Variants in STK11 observed in about 807,000 individuals in gnomAD.
STK11 encodes the protein serine/threonine kinase 11.
A neutral mutation model predicts 47.3 loss-of-function variants in STK11; 8 were observed. That is an observed-to-expected ratio of 0.17 (90% CI 0.10 to 0.31). STK11 has a LOEUF of 0.31. STK11 is among the 10% of genes least tolerant of loss of function. The pLI is 1.00. For synonymous variants in STK11, 330 were observed against 255.8 expected, an observed-to-expected ratio of 1.29 and a Z score of -2.77; for missense variants, 475 against 605.0, an observed-to-expected ratio of 0.79 and a Z score of 2.25.
At chr19:1,224,129 A>T (rs2080805023) in intron 8 of STK11, 1 of 989,572 alleles carries the variant, frequency 1.0e-6, no homozygotes, top group Non-Finnish European at 1.2e-6. Flanking sequence ...GGCTCAGCTC[A>T]GTAGCTGGTC....
chr19:1,225,205 C>T (rs907925584), intron 8 of STK11: 1 of 985,216 alleles, frequency 1.0e-6, no homozygotes, highest in African/African-American at 1.7e-5. Context: ...GTCTGCCCCA[C>T]CAGAGACGGG....
chr19:1,215,522 C>T (rs1052800461), intron 1 of STK11, among the ~76,000 whole-genome samples: 1 of 152,234 alleles, frequency 6.6e-6, no homozygotes, highest in African/African-American at 2.4e-5. Context: ...TCTCCTAGCC[C>T]CTCCCCAGAC....
At chr19:1,223,299 A>G in intron 8 of STK11, 127 bp downstream of exon 8, 1 of 1,179,686 alleles carries the variant, frequency 8.5e-7, no homozygotes, top group Admixed American at 2.1e-5. Flanking sequence ...ACGTCCCCAA[A>G]GCCTCCAGCC....
At chr19:1,226,125 G>C in intron 8 of STK11, 1 of 1,167,802 alleles carries the variant, frequency 8.6e-7, no homozygotes, top group Non-Finnish European at 1.1e-6. Context: ...AGCACGGGAG[G>C]GTCCTGCCTT....
intron 8 of STK11, chr19:1,225,639 C>T (rs1411936410): frequency 1.0e-6 from 1 of 985,536 alleles, no homozygotes; most frequent in South Asian, 4.7e-5. Flanking sequence ...CTGGAAGCTG[C>T]TGAGTCAGCC....
intron 3 of STK11, 78 bp from the exon 4 acceptor site, chr19:1,220,295 C>G (rs574696444): frequency 6.6e-7 from 1 of 1,524,554 alleles, no homozygotes; most frequent in Non-Finnish European, 8.9e-7. Context: ...GTTTGGGAGG[C>G]TCCCAGGCAG....
intron 1 of STK11, among the ~76,000 whole-genome samples, chr19:1,213,287 G>A (rs1460248406): frequency 2.0e-5 from 3 of 152,056 alleles, no homozygotes; most frequent in African/African-American, 7.2e-5. Context: ...GTGAGCCACC[G>A]CACCCGGCAA....
intron 8 of STK11, chr19:1,224,473 C>T (rs1207364121): frequency 1.0e-6 from 1 of 985,306 alleles, no homozygotes; most frequent in African/African-American, 1.7e-5. Context: ...CTTTCAGAGC[C>T]CTGGTGCCCT....
At chr19:1,210,798 G>T (rs1014886611) in intron 1 of STK11, among the ~76,000 whole-genome samples, 11 of 152,010 alleles carry the variant, frequency 7.2e-5, no homozygotes, top group Non-Finnish European at 1.3e-4. Context: ...GGAAGCAGAG[G>T]TTGCGGTGAG....
intron 8 of STK11, chr19:1,225,688 C>T: frequency 1.0e-6 from 1 of 985,632 alleles, no homozygotes; most frequent in Non-Finnish European, 1.2e-6. Flanking sequence ...GCACTGGGCA[C>T]ATGAGCTCTG....
Position 1,220,672 on chromosome 19 carries a change from CCTT to C in STK11, c.692_694del (p.Phe231del). On this transcript the variant is annotated inframe_deletion, in exon 5 of 10. Transcript: ENST00000326873. The stretch of plus-strand genomic sequence containing the variant: ...CCCGAGATTGCCAACGGCCTGGACA[CCTT>C]CTCCGGCTTCAAGGTGGACATCTGG... 1.2e-6 allele frequency: 2 copies of C among 1,611,002 alleles called. No individual in the cohort carries two copies. The highest frequency in any genetic ancestry group is 1.7e-6 in the Non-Finnish European group (2 of 1,179,208).
Position 1,227,587 on chromosome 19 carries a change from C to T in STK11, c.*17-6C>T, listed in dbSNP as rs866505758. On this transcript the variant is annotated splice_region_variant and splice_polypyrimidine_tract_variant and intron_variant, in intron 9 of 9. Coordinates refer to ENST00000326873, the MANE Select transcript of STK11 (RefSeq NM_000455.5). ...TGACCTCTTCCGTCTTCCTTCCACC[C>T]TGCAGCCCGTGTCCAGGAGCCCCGC... 14 of 1,064,674 alleles carry T rather than the reference C, an allele frequency of 1.3e-5. No individual in the cohort carries two copies. In the South Asian group the frequency reaches 1.8e-4, roughly 14 times the overall value. 66.0% of individuals were successfully genotyped at this position (1,064,674 alleles called of 1,614,324 possible).
At chr19:1,217,746 C>G (rs1218515264) in intron 1 of STK11, among the ~76,000 whole-genome samples, 1 of 152,202 alleles carries the variant, frequency 6.6e-6, no homozygotes, top group Non-Finnish European at 1.5e-5. Flanking sequence ...CCCTTGGCTG[C>G]GTGGGACTGT....
At chr19:1,219,156 G>C (rs540055325) in intron 2 of STK11, among the ~76,000 whole-genome samples, 168 bp from the exon 3 acceptor site, 1 of 152,296 alleles carries the variant, frequency 6.6e-6, no homozygotes, top group South Asian at 2.1e-4. Flanking sequence ...TGGGACGCTG[G>C]GGCCCCTGGG....
At chr19:1,226,928 CAG>C (rs2080828129) in intron 9 of STK11, 5 of 479,208 alleles carry the variant, frequency 1.0e-5, no homozygotes, top group South Asian at 8.8e-5. Flanking sequence ...AGCCACCTCT[CAG>C]AGTGGGTGCA....
At position 1,219,774 on chromosome 19, in the gene STK11, TGAC is replaced by T. The variant is rs752134348; in HGVS notation, c.464+362_464+364del. Reference sequence around the variant, plus strand: ...GTTAGCCAGGATGGTCTCAAACTCCTGACCTCGTGATCCGCCTGCCTCAGCCTC... The same window carrying T: ...GTTAGCCAGGATGGTCTCAAACTCCTCTCGTGATCCGCCTGCCTCAGCCTC... On this transcript the variant is annotated intron_variant, in intron 3 of 9. Transcript: ENST00000326873. Among the ~76,000 whole-genome samples, 44 of 152,234 alleles carry T rather than the reference TGAC, an allele frequency of 2.9e-4. 1 individual carries two copies. In the East Asian group the frequency reaches 6.2e-3, roughly 21 times the overall value.
Position 1,221,937 on chromosome 19 carries a change from G to A in STK11, c.863-12G>A, listed in dbSNP as rs753729414. On this transcript the variant is annotated splice_polypyrimidine_tract_variant and intron_variant, in intron 6 of 9. Coordinates refer to ENST00000326873, the MANE Select transcript of STK11 (RefSeq NM_000455.5). ...TGCCCAGCTGACAGGCTCCTCGCCG[G>A]CTTCTCCTCAGGGATGCTTGAGTAC... The A allele has an allele frequency of 1.9e-6, 3 of 1,553,022 alleles. No homozygotes were observed. Among genetic ancestry groups the A allele is most frequent in the Admixed American group, 3.9e-5 (2 of 51,426 alleles).
intron 3 of STK11, among the ~76,000 whole-genome samples, chr19:1,219,797 A>G (rs1209360833): frequency 2.0e-5 from 3 of 152,258 alleles, no homozygotes; most frequent in Middle Eastern, 3.4e-3. Flanking sequence ...CGCCTGCCTC[A>G]GCCTCCCAAA....
Position 1,227,714 on chromosome 19 carries a change from G to A in STK11, c.*138G>A. Reference sequence around the variant, plus strand: ...TGCCGACCACGCCCCAGGACCTCCGGAGCGCCCTGCAGGGCCGGGCAGGGG... The same window carrying A: ...TGCCGACCACGCCCCAGGACCTCCGAAGCGCCCTGCAGGGCCGGGCAGGGG... On this transcript the variant is annotated 3_prime_UTR_variant, in exon 10 of 10. Transcript: ENST00000326873. 3 of 1,070,888 alleles carry A rather than the reference G, an allele frequency of 2.8e-6. No homozygotes were observed. Among genetic ancestry groups the A allele is most frequent in the Non-Finnish European group, 3.4e-6 (3 of 882,742 alleles). The allele number at this position is 1,070,888 out of a possible 1,614,324, so 66.3% of individuals were successfully genotyped here.
Sources: allele counts gnomAD v4.1 joint callset (sites outside exome capture counted in the v4.1 genomes callset), GRCh38; gene constraint gnomAD v4.1.1; transcripts MANE v1.5; gene names NCBI Gene and HGNC (gene_info 2026-07-23, HGNC 2026-07-21).